CSMD1: variants seen among roughly 807,000 people sequenced by gnomAD.
CSMD1 encodes the protein CUB and Sushi multiple domains 1, also known as CUB and sushi domain-containing protein 1.
A neutral mutation model predicts 417.5 loss-of-function variants in CSMD1; 213 were observed. The ratio of observed to expected loss-of-function variants is 0.51; its 90% CI spans 0.46 to 0.57. The LOEUF (loss-of-function observed/expected upper bound fraction) is 0.57, where lower values mean the gene tolerates loss of function less well. Among genes scored for constraint, CSMD1 ranks in the 20% least tolerant of loss-of-function variants. The pLI, the probability that CSMD1 is intolerant of heterozygous loss-of-function variation, is 0.00. For missense variants in CSMD1, 6,923 were observed against 4,529.7 expected (o/e 1.53, Z -15.17); for synonymous variants, 2,862 against 1,736.8 (o/e 1.65, Z -16.11).
intron 4 of CSMD1, among the ~76,000 whole-genome samples, chr8:4,025,473 TAAG>T (rs1214129560): frequency 3.3e-5 from 5 of 152,228 alleles, no homozygotes; most frequent in African/African-American, 1.2e-4. Context: ...TAAAGCAAAT[TAAG>T]AAGGCATTTA....
intron 5 of CSMD1, among the ~76,000 whole-genome samples, chr8:3,896,083 A>G (rs1807340131): frequency 6.6e-6 from 1 of 152,110 alleles, no homozygotes; most frequent in South Asian, 2.1e-4. Flanking sequence ...TTCCATTTAC[A>G]CCTCTGATGG....
rs540661415 is a variant in CSMD1 at position 4,312,423 on chromosome 8, G to T, written c.415+107530C>A. On this transcript the variant is annotated intron_variant, in intron 3 of 69. Coordinates refer to ENST00000635120, the MANE Select transcript of CSMD1 (RefSeq NM_033225.6). ...CATATATATGCGTGTATATATATGCGCGTATATATATATGCGTATATATAT... is the reference window on the plus strand; with the variant it reads ...CATATATATGCGTGTATATATATGCTCGTATATATATATGCGTATATATAT... 6.7e-5 allele frequency among the ~76,000 whole-genome samples: 7 copies of T among 105,128 alleles called. 1 individual carries two copies. Among genetic ancestry groups the T allele is most frequent in the African/African-American group, 2.3e-4 (3 of 12,808 alleles). 69.0% of individuals were successfully genotyped at this position (105,128 alleles called of 152,430 possible). A position where few individuals can be genotyped will look rare whatever the true frequency, so the allele number is the denominator to read the frequency against.
chr8:4,710,969 C>G (rs1808254832), intron 1 of CSMD1, among the ~76,000 whole-genome samples: 1 of 151,978 alleles, frequency 6.6e-6, no homozygotes, highest in Non-Finnish European at 1.5e-5. Flanking sequence ...TGATGGTGCT[C>G]TTGGATGTGT....
At chr8:3,269,815 C>T (rs942613390) in intron 26 of CSMD1, among the ~76,000 whole-genome samples, 2 of 152,190 alleles carry the variant, frequency 1.3e-5, no homozygotes, top group Admixed American at 6.5e-5. Context: ...TCATGTCCTT[C>T]TGTTTTACAT....
intron 1 of CSMD1, among the ~76,000 whole-genome samples, chr8:4,672,221 G>T (rs186299473): frequency 2.7e-4 from 41 of 152,328 alleles, no homozygotes; most frequent in Middle Eastern, 3.4e-3. Flanking sequence ...CAGCTGCAGA[G>T]AAGGTTATAT....
chr8:3,958,017 A>C (rs968643038), intron 5 of CSMD1, among the ~76,000 whole-genome samples: 1 of 152,164 alleles, frequency 6.6e-6, no homozygotes, highest in African/African-American at 2.4e-5. Context: ...ACCAGAGAAG[A>C]CAACTAATAG....
intron 3 of CSMD1, among the ~76,000 whole-genome samples, chr8:4,123,029 A>T (rs1455778917): frequency 6.6e-6 from 1 of 152,228 alleles, no homozygotes; most frequent in Non-Finnish European, 1.5e-5. Context: ...TTACAATCAG[A>T]GACTGGAATT....
chr8:3,677,615 A>C (rs1247788601), intron 7 of CSMD1, among the ~76,000 whole-genome samples: 1 of 151,976 alleles, frequency 6.6e-6, no homozygotes, highest in Non-Finnish European at 1.5e-5. Flanking sequence ...TGAGTTTAGA[A>C]CCTCTCTTTT....
At chr8:4,340,986 A>G (rs1800446105) in intron 3 of CSMD1, among the ~76,000 whole-genome samples, 1 of 152,108 alleles carries the variant, frequency 6.6e-6, no homozygotes, top group African/African-American at 2.4e-5. Context: ...ATGGATTTAA[A>G]AATTATCACA....
At chr8:4,560,595 C>G (rs910785202) in intron 2 of CSMD1, among the ~76,000 whole-genome samples, 4 of 152,218 alleles carry the variant, frequency 2.6e-5, no homozygotes, top group Non-Finnish European at 4.4e-5. Context: ...TATGGCAGAG[C>G]CTCCCTGAAA....
chr8:4,182,534 G>C (rs936859136), intron 3 of CSMD1, among the ~76,000 whole-genome samples: 1 of 152,010 alleles, frequency 6.6e-6, no homozygotes, highest in African/African-American at 2.4e-5. Context: ...ATGCTCAATC[G>C]ATATTTGTTC....
intron 3 of CSMD1, among the ~76,000 whole-genome samples, chr8:4,309,388 G>C (rs1369912791): frequency 1.3e-5 from 2 of 151,906 alleles, no homozygotes; most frequent in African/African-American, 4.8e-5. Context: ...CCTTAGAGAA[G>C]ACCCTCAAAA....
At chr8:4,971,636 G>A (rs545259592) in intron 1 of CSMD1, among the ~76,000 whole-genome samples, 3 of 151,460 alleles carry the variant, frequency 2.0e-5, no homozygotes, top group Non-Finnish European at 2.9e-5. Context: ...GCATCAAAAT[G>A]TATAGTCTTA....
Position 3,838,809 on chromosome 8 carries a change from A to T in CSMD1, c.819-84767T>A, listed in dbSNP as rs1245404508. 1.1e-4 allele frequency among the ~76,000 whole-genome samples: 12 copies of T among 105,306 alleles called. 1 individual carries two copies. Among genetic ancestry groups the T allele is most frequent in the Non-Finnish European group, 2.1e-4 (12 of 57,172 alleles). The allele number at this position is 105,306 out of a possible 152,430, so 69.1% of individuals were successfully genotyped here. On this transcript the variant is annotated intron_variant, in intron 5 of 69. Coordinates refer to ENST00000635120, the MANE Select transcript of CSMD1 (RefSeq NM_033225.6). ...ATATTATATAGTATAATATATAATAATTATATATACTATTAATATATAATA... is the reference window on the plus strand; with the variant it reads ...ATATTATATAGTATAATATATAATATTTATATATACTATTAATATATAATA...
intron 11 of CSMD1, among the ~76,000 whole-genome samples, chr8:3,490,868 GA>G (rs151289632): frequency 3.9e-5 from 6 of 151,968 alleles, no homozygotes; most frequent in East Asian, 1.9e-4. Context: ...AAAATAAAAA[GA>G]AAAAAATTTT....
chr8:3,926,086 C>T (rs1434406056), intron 5 of CSMD1, among the ~76,000 whole-genome samples: 449 of 16,148 alleles, frequency 0.028, 47 homozygotes, highest in African/African-American at 0.19. Context: ...ACACCATACA[C>T]ACACACACAC....
At chr8:3,939,646 G>C (rs781023138) in intron 5 of CSMD1, among the ~76,000 whole-genome samples, 3 of 152,062 alleles carry the variant, frequency 2.0e-5, no homozygotes, top group Admixed American at 2.0e-4. Context: ...AGCAGATAAA[G>C]AAAATGTGGT....
At position 3,943,748 on chromosome 8, in the gene CSMD1, T is replaced by C. The variant is rs1413945492; in HGVS notation, c.818+54155A>G. On this transcript the variant is annotated intron_variant, in intron 5 of 69. Transcript: ENST00000635120. ...AAAAATATGAATCACCTGAATCTAATCACAAAGAAACAGTTAAATAAACCC... is the reference window on the plus strand; with the variant it reads ...AAAAATATGAATCACCTGAATCTAACCACAAAGAAACAGTTAAATAAACCC... Among the ~76,000 whole-genome samples the C allele has an allele frequency of 2.0e-5, 3 of 151,966 alleles. No homozygotes were observed. In the South Asian group the frequency reaches 6.2e-4, roughly 32 times the overall value.
At chr8:4,310,020 A>G (rs73191954) in intron 3 of CSMD1, among the ~76,000 whole-genome samples, 96,002 of 151,796 alleles carry the variant, frequency 0.63, 31,333 homozygotes, top group East Asian at 0.86. Context: ...GCTAAAAGGT[A>G]TGAAAAGCCT....
Sources: allele counts gnomAD v4.1 joint callset (sites outside exome capture counted in the v4.1 genomes callset), GRCh38; gene constraint gnomAD v4.1.1; transcripts MANE v1.5; gene names NCBI Gene and HGNC (gene_info 2026-07-23, HGNC 2026-07-21).